ACACA: variants seen among roughly 807,000 people sequenced by gnomAD.
ACACA encodes acetyl-CoA carboxylase 1.
ACACA carries 103 observed loss-of-function variants against 296.1 expected under a neutral mutation model. The observed-to-expected ratio is 0.35, with a 90% CI of 0.30 to 0.41. The LOEUF (loss-of-function observed/expected upper bound fraction) is 0.41, where lower values mean the gene tolerates loss of function less well. Ranked by LOEUF, ACACA falls within the 10% of genes least tolerant of loss-of-function variation. The pLI is 1.00. For missense variants in ACACA, 1,554 were observed against 2,989.7 expected, an observed-to-expected ratio of 0.52 and a Z score of 11.20; for synonymous variants, 953 against 1,038.6, an observed-to-expected ratio of 0.92 and a Z score of 1.58.
chr17:37,141,369 T>C (rs887417030), intron 45 of ACACA: 9 of 361,832 alleles, frequency 2.5e-5, no homozygotes, highest in Admixed American at 1.4e-4. Flanking sequence ...GTCCCAGCCC[T>C]GGATGCCACT....
intron 1 of ACACA, among the ~76,000 whole-genome samples, chr17:37,353,718 G>A (rs1022800647): frequency 1.3e-5 from 2 of 151,224 alleles, no homozygotes; most frequent in Non-Finnish European, 2.9e-5. Flanking sequence ...TCTATCAAAG[G>A]GGATAACCAA....
At chr17:37,305,904 GTTTTTTTT>G (rs200591761) in intron 3 of ACACA, among the ~76,000 whole-genome samples, 8 of 95,808 alleles carry the variant, frequency 8.4e-5, no homozygotes, top group Admixed American at 5.9e-4. Context: ...TTTTTTTTTT[GTTTTTTTT>G]TTTTTTTTTT....
At chr17:37,254,972 G>A (rs539953745) in intron 14 of ACACA, among the ~76,000 whole-genome samples, 6 of 152,062 alleles carry the variant, frequency 3.9e-5, no homozygotes, top group South Asian at 2.1e-4. Flanking sequence ...ATGGTGGCAC[G>A]TGCCTGTAAT....
At chr17:37,343,881 A>AAAATTTT (rs1477767309) in intron 1 of ACACA, among the ~76,000 whole-genome samples, 3 of 152,058 alleles carry the variant, frequency 2.0e-5, no homozygotes, top group African/African-American at 7.2e-5. Flanking sequence ...AGGATTACAG[A>AAAATTTT]AAATTTTATT....
At position 37,162,014 on chromosome 17, in the gene ACACA, G is replaced by A; in HGVS notation, c.5116C>T (p.Pro1706Ser). ...ATATCTCGGCCTTCTGGATATTCAG[G>A]ACTTTTAAAGGTCATTTTCCAAGCT... The part of the protein sequence containing the change: ...MVAWKMTFKS[P>S]EYPEGRDIIV... The change falls in exon 42 of 56, where the codon CCT (proline) becomes TCT (serine). Residue 1706 changes from proline to serine, a missense_variant. Physicochemically the swap from Pro to Ser is moderately conservative, Grantham distance 74 (BLOSUM62 -1). Around this residue, in one of 16 missense-constraint regions of ACACA, gnomAD observed 553 missense variants for 1,043.6 expected, o/e 0.53. Transcript: ENST00000616317. 1 of 1,614,132 alleles carries A rather than the reference G, an allele frequency of 6.2e-7. No individual in the cohort carries two copies. Among genetic ancestry groups the A allele is most frequent in the Non-Finnish European group, 8.5e-7 (1 of 1,180,014 alleles).
At chr17:37,342,740 T>G (rs953683979) in intron 1 of ACACA, among the ~76,000 whole-genome samples, 4 of 148,104 alleles carry the variant, frequency 2.7e-5, no homozygotes, top group Admixed American at 1.4e-4. Context: ...AGTCCAGGAG[T>G]TCAAGGCCAG....
At chr17:37,175,488 C>T (rs17138934) in intron 41 of ACACA, among the ~76,000 whole-genome samples, 48,588 of 152,094 alleles carry the variant, frequency 0.32, 9,402 homozygotes, top group African/African-American at 0.53. Context: ...AGTGGTAAAG[C>T]AGAACTGTTG....
At chr17:37,103,722 A>AAC (rs3049593) in intron 52 of ACACA, among the ~76,000 whole-genome samples, 3,191 of 148,776 alleles carry the variant, frequency 0.021, 38 homozygotes, top group African/African-American at 0.027. Flanking sequence ...CAAACACACA[A>AAC]ACACACACAC....
intron 45 of ACACA, among the ~76,000 whole-genome samples, chr17:37,131,004 G>A (rs2075068102): frequency 6.7e-6 from 1 of 149,904 alleles, no homozygotes; most frequent in African/African-American, 2.4e-5. Context: ...CCACGCACAA[G>A]CCCTAAAGCT....
At chr17:37,306,270 T>G (rs1013647970) in intron 3 of ACACA, among the ~76,000 whole-genome samples, 18 of 152,046 alleles carry the variant, frequency 1.2e-4, no homozygotes, top group African/African-American at 4.3e-4. Context: ...ATTTCAAGAG[T>G]GTTAAAATGG....
intron 33 of ACACA, among the ~76,000 whole-genome samples, chr17:37,202,550 C>A (rs1468597562): frequency 6.6e-6 from 1 of 150,556 alleles, no homozygotes; most frequent in Non-Finnish European, 1.5e-5. Context: ...TTAATGTGTG[C>A]CTTAAAAAAA....
At position 37,087,366 on chromosome 17, in the gene ACACA, G is replaced by C. The variant is rs750017606; in HGVS notation, c.7102C>G (p.Arg2368Gly). ...GAGAGGATCCGTATGACTTCTGCTC[G>C]CTGAGTGGGTGATATGTGCTGCGTC... ...HMTQHISPTQ[R>G]AEVIRILSTM... Residue 2368 changes from arginine (R) to glycine (G), a missense_variant, in exon 56 of 56, where the codon CGA becomes GGA. Around this residue, in one of 16 missense-constraint regions of ACACA, gnomAD observed 553 missense variants for 1,043.6 expected, o/e 0.53. Coordinates refer to ENST00000616317, the MANE Select transcript of ACACA (RefSeq NM_198834.3). The C allele has an allele frequency of 1.9e-6, 3 of 1,614,094 alleles. No individual in the cohort carries two copies. In the South Asian group the frequency reaches 3.3e-5, roughly 18 times the overall value.
chr17:37,381,868 C>T (rs1340343906), intron 1 of ACACA, among the ~76,000 whole-genome samples: 1 of 151,504 alleles, frequency 6.6e-6, no homozygotes, highest in Non-Finnish European at 1.5e-5. Flanking sequence ...ACCTTGTGAT[C>T]TGCCCGCCTT....
chr17:37,235,212 T>C (rs987496767), intron 24 of ACACA, 113 bp from the exon 25 acceptor site: 1 of 1,369,058 alleles, frequency 7.3e-7, no homozygotes, highest in Non-Finnish European at 1.0e-6. Flanking sequence ...AGAAACATCA[T>C]AAGGATTTTC....
At chr17:37,258,032 T>G (rs937748399) in intron 13 of ACACA, among the ~76,000 whole-genome samples, 166 bp from the exon 14 acceptor site, 11 of 152,186 alleles carry the variant, frequency 7.2e-5, no homozygotes, top group Non-Finnish European at 7.3e-5. Flanking sequence ...GACTCTACAG[T>G]GACTTAAGTG....
intron 29 of ACACA, among the ~76,000 whole-genome samples, chr17:37,219,447 G>C (rs1046539791): frequency 6.6e-6 from 1 of 152,024 alleles, no homozygotes; most frequent in Non-Finnish European, 1.5e-5. Flanking sequence ...CAAATTTGTA[G>C]CCAGTTGGTC....
At chr17:37,250,570 G>A (rs1305422783) in intron 16 of ACACA, among the ~76,000 whole-genome samples, 3 of 152,020 alleles carry the variant, frequency 2.0e-5, no homozygotes, top group Non-Finnish European at 4.4e-5. Context: ...CCCAGGAGGC[G>A]AAGGTTACAG....
intron 24 of ACACA, among the ~76,000 whole-genome samples, chr17:37,236,042 T>C (rs767199302): frequency 6.6e-6 from 1 of 152,214 alleles, no homozygotes; most frequent in Non-Finnish European, 1.5e-5. Flanking sequence ...CAGAATTTTA[T>C]GAAATCATGA....
intron 1 of ACACA, chr17:37,388,818 C>G (rs1392118946): frequency 1.2e-6 from 2 of 1,611,504 alleles, no homozygotes; most frequent in East Asian, 4.5e-5. Context: ...TGTATTGAAT[C>G]CTTGAACTTG....
Sources: allele counts gnomAD v4.1 joint callset (sites outside exome capture counted in the v4.1 genomes callset), GRCh38; gene constraint gnomAD v4.1.1; regional missense constraint gnomAD v4.1.1; transcripts MANE v1.5; gene names NCBI Gene and HGNC (gene_info 2026-07-23, HGNC 2026-07-21).